Variants in VSTM2B observed in about 807,000 individuals in gnomAD.
VSTM2B encodes V-set and transmembrane domain containing 2B.
A neutral mutation model predicts 24.0 loss-of-function variants in VSTM2B; 24 were observed. The ratio of observed to expected loss-of-function variants is 1.00; its 90% CI spans 0.72 to 1.40. VSTM2B has a LOEUF of 1.40. Among genes scored for constraint, VSTM2B ranks in the 40% most tolerant of loss-of-function variants. The pLI, the probability that VSTM2B is intolerant of heterozygous loss-of-function variation, is 0.00. For missense variants in VSTM2B, 399 were observed against 416.4 expected (o/e 0.96, Z 0.36); for synonymous variants, 226 against 194.4 (o/e 1.16, Z -1.35).
At chr19:29,530,314 G>T in intron 4 of VSTM2B, 24 bp downstream of exon 4, 1 of 1,476,832 alleles carries the variant, frequency 6.8e-7, no homozygotes. Flanking sequence ...GAGAGGGGGC[G>T]CACGCGCGGG....
chr19:29,548,725 C>T lies in VSTM2B; in HGVS notation c.770-15121C>T, dbSNP rs139175392. On this transcript the variant is annotated intron_variant, in intron 4 of 4. Coordinates refer to ENST00000335523, the MANE Select transcript of VSTM2B (RefSeq NM_001146339.2). Reference sequence around the variant, plus strand: ...AGGCTCAGGAGCCCCATCAGGAAGCCGGGAATGTGGGAGCTAGGAGAGCCA... The same window carrying T: ...AGGCTCAGGAGCCCCATCAGGAAGCTGGGAATGTGGGAGCTAGGAGAGCCA... 8.3e-3 allele frequency among the ~76,000 whole-genome samples: 1,265 copies of T among 152,126 alleles called. 9 individuals are homozygous for T. Among genetic ancestry groups the T allele is most frequent in the Admixed American group, 0.018 (276 of 15,288 alleles).
chr19:29,541,033 A>G (rs1007998810), intron 4 of VSTM2B, among the ~76,000 whole-genome samples: 1 of 152,202 alleles, frequency 6.6e-6, no homozygotes, highest in African/African-American at 2.4e-5. Context: ...GGATCTGGGG[A>G]AATGCAAAGG....
Position 29,563,341 on chromosome 19 carries a change from C to T in VSTM2B, c.770-505C>T, listed in dbSNP as rs182953826. 3.8e-3 allele frequency among the ~76,000 whole-genome samples: 572 copies of T among 151,708 alleles called. 5 individuals are homozygous for T. The highest frequency in any genetic ancestry group is 4.1e-3 in the Non-Finnish European group (279 of 67,938). Reference sequence around the variant, plus strand: ...AATCACAGCTCTCTGCAGCCTCCAACTCTTGGTCTCAAGCGATCCAGCCTT... The same window carrying T: ...AATCACAGCTCTCTGCAGCCTCCAATTCTTGGTCTCAAGCGATCCAGCCTT... On this transcript the variant is annotated intron_variant, in intron 4 of 4. Coordinates refer to ENST00000335523, the MANE Select transcript of VSTM2B (RefSeq NM_001146339.2).
chr19:29,526,835 G>A lies in VSTM2B; in HGVS notation c.82+170G>A, dbSNP rs939217160. Reference sequence around the variant, plus strand: ...GAGAGGCGAGCGGCGAAGGGTCGCCGCAGCAGCAGCGCCGCGCCCGAGTCG... The same window carrying A: ...GAGAGGCGAGCGGCGAAGGGTCGCCACAGCAGCAGCGCCGCGCCCGAGTCG... On this transcript the variant is annotated intron_variant, in intron 1 of 4. Coordinates refer to ENST00000335523, the MANE Select transcript of VSTM2B (RefSeq NM_001146339.2). The surrounding 1 kb of genome is among the most constrained non-coding windows in gnomAD (Gnocchi z 4.1). The A allele has an allele frequency of 8.7e-6, 5 of 576,642 alleles. No homozygotes were observed. The highest frequency in any genetic ancestry group is 1.4e-5 in the Non-Finnish European group (5 of 353,592). 35.7% of individuals were successfully genotyped at this position (576,642 alleles called of 1,614,324 possible). A position where few individuals can be genotyped will look rare whatever the true frequency, so the allele number is the denominator to read the frequency against.
intron 4 of VSTM2B, among the ~76,000 whole-genome samples, chr19:29,547,035 G>A (rs1052277716): frequency 4.6e-5 from 7 of 152,290 alleles, no homozygotes; most frequent in Non-Finnish European, 1.0e-4. Context: ...GTACACAGGG[G>A]CCAGACTGCC....
chr19:29,563,874 A>G lies in VSTM2B; in HGVS notation c.798A>G (p.Pro266=), dbSNP rs1398975207. 1.9e-6 allele frequency: 3 copies of G among 1,551,740 alleles called. No individual in the cohort carries two copies. The highest frequency in any genetic ancestry group is 2.6e-6 in the Non-Finnish European group (3 of 1,147,050). Residue 266 remains proline (P), a synonymous_variant, in exon 5 of 5, where the codon CCA becomes CCG. Transcript: ENST00000335523. ...SGTGRSYTTD[P]LLSLLLLALH... is the part of the protein sequence containing the mutation. ...CCGGCCGTAGCTACACCACAGACCC[A>G]CTCTTGTCCCTGCTCCTGTTAGCTC...
intron 4 of VSTM2B, among the ~76,000 whole-genome samples, chr19:29,532,934 C>A (rs979693382): frequency 6.6e-6 from 1 of 152,294 alleles, no homozygotes; most frequent in East Asian, 1.9e-4. Context: ...AGACCAAGGT[C>A]ATGAGCGCAC....
At chr19:29,553,069 G>A (rs2145504874) in intron 4 of VSTM2B, among the ~76,000 whole-genome samples, 1 of 152,268 alleles carries the variant, frequency 6.6e-6, no homozygotes, top group African/African-American at 2.4e-5. Context: ...GTCTGGACAA[G>A]TGAGATCCCC....
chr19:29,556,079 A>G (rs1016713516), intron 4 of VSTM2B, among the ~76,000 whole-genome samples: 3 of 149,634 alleles, frequency 2.0e-5, no homozygotes, highest in African/African-American at 7.4e-5. Flanking sequence ...TCATCCTGAT[A>G]CCAAAATCTG....
At chr19:29,538,085 A>G (rs1268304358) in intron 4 of VSTM2B, among the ~76,000 whole-genome samples, 1 of 152,204 alleles carries the variant, frequency 6.6e-6, no homozygotes, top group Non-Finnish European at 1.5e-5. Context: ...TTTCAATGCC[A>G]ACAAATTTGC....
intron 4 of VSTM2B, among the ~76,000 whole-genome samples, chr19:29,536,953 G>C (rs1333057284): frequency 6.6e-6 from 1 of 152,220 alleles, no homozygotes; most frequent in Non-Finnish European, 1.5e-5. Flanking sequence ...AAACCCCTGA[G>C]CTTTCTGGAA....
intron 4 of VSTM2B, among the ~76,000 whole-genome samples, chr19:29,546,473 C>T (rs1970158276): frequency 6.6e-6 from 1 of 152,246 alleles, no homozygotes; most frequent in Non-Finnish European, 1.5e-5. Flanking sequence ...AAAGTGGTTT[C>T]TACCTCCTAA....
chr19:29,562,099 C>G (rs951278792), intron 4 of VSTM2B, among the ~76,000 whole-genome samples: 2 of 152,196 alleles, frequency 1.3e-5, no homozygotes, highest in Non-Finnish European at 2.9e-5. Context: ...TCGGATAGCA[C>G]CACCCACTTT....
At chr19:29,535,755 G>C (rs963333804) in intron 4 of VSTM2B, among the ~76,000 whole-genome samples, 1 of 152,148 alleles carries the variant, frequency 6.6e-6, no homozygotes, top group Non-Finnish European at 1.5e-5. Context: ...TGACCCAGGA[G>C]AATCGCGATG....
chr19:29,563,487 C>T (rs1970581536), intron 4 of VSTM2B, among the ~76,000 whole-genome samples: 1 of 152,104 alleles, frequency 6.6e-6, no homozygotes, highest in African/African-American at 2.4e-5. Context: ...AAGTGATCCT[C>T]CAGCCTCAGC....
intron 4 of VSTM2B, among the ~76,000 whole-genome samples, chr19:29,553,425 A>G (rs569518766): frequency 6.6e-6 from 1 of 152,228 alleles, no homozygotes; most frequent in Non-Finnish European, 1.5e-5. Flanking sequence ...ATCAACCAAA[A>G]AAGTCCCTGC....
At chr19:29,553,187 T>A (rs1161615219) in intron 4 of VSTM2B, among the ~76,000 whole-genome samples, 1 of 145,058 alleles carries the variant, frequency 6.9e-6, no homozygotes, top group Non-Finnish European at 1.5e-5. Context: ...CATACAGGAG[T>A]GTTCATGCTG....
intron 4 of VSTM2B, among the ~76,000 whole-genome samples, chr19:29,536,726 C>A (rs913144749): frequency 6.6e-6 from 1 of 152,124 alleles, no homozygotes; most frequent in Admixed American, 6.6e-5. Context: ...TGGTAGCCCC[C>A]AAGAAAAGAG....
At chr19:29,562,889 T>A (rs1970566875) in intron 4 of VSTM2B, among the ~76,000 whole-genome samples, 2 of 152,184 alleles carry the variant, frequency 1.3e-5, no homozygotes, top group African/African-American at 4.8e-5. Flanking sequence ...CAGGTTATGA[T>A]CACACTGGAG....
Sources: gnomAD v4.1 joint callset for allele counts (sites outside exome capture counted in the v4.1 genomes callset) on GRCh38, gnomAD v4.1.1 for gene constraint, Gnocchi (gnomAD v3.1) non-coding constraint, MANE v1.5 for transcripts, NCBI Gene and HGNC (gene_info 2026-07-23, HGNC 2026-07-21) for gene names.